Variants in TTLL11 observed in about 807,000 individuals in gnomAD.
TTLL11 encodes the protein tubulin polyglutamylase TTLL11.
Under a neutral mutation model 51.7 loss-of-function variants are expected in TTLL11, and 42 were observed. The observed-to-expected ratio is 0.81, with a 90% CI of 0.64 to 1.05. The LOEUF is 1.05. TTLL11 is among the 50% of genes least tolerant of loss of function. The probability of loss-of-function intolerance (pLI) is 0.00; values close to 1 mark genes in which losing one functional copy is unlikely to be tolerated. For synonymous variants in TTLL11, 381 were observed against 383.5 expected, an observed-to-expected ratio of 0.99 and a Z score of 0.08; for missense variants, 799 against 940.4, an observed-to-expected ratio of 0.85 and a Z score of 1.97.
intron 8 of TTLL11, among the ~76,000 whole-genome samples, chr9:121,844,609 C>T (rs1483797701): frequency 6.6e-6 from 1 of 152,084 alleles, no homozygotes; most frequent in Non-Finnish European, 1.5e-5. Flanking sequence ...ATGTTAAAGT[C>T]TCTAATGGAA....
At chr9:122,012,993 G>C (rs1398668585) in intron 3 of TTLL11, among the ~76,000 whole-genome samples, 1 of 152,118 alleles carries the variant, frequency 6.6e-6, no homozygotes, top group Non-Finnish European at 1.5e-5. Flanking sequence ...GGGCACTGGG[G>C]AGCAGAAATA....
At chr9:121,876,462 G>A (rs1280083175) in intron 6 of TTLL11, among the ~76,000 whole-genome samples, 1 of 152,202 alleles carries the variant, frequency 6.6e-6, no homozygotes, top group Admixed American at 6.5e-5. Context: ...AGAAGCATGG[G>A]ACCAAGTGAG....
chr9:122,065,416 T>C (rs1845555275), intron 1 of TTLL11, among the ~76,000 whole-genome samples: 2 of 152,326 alleles, frequency 1.3e-5, no homozygotes, highest in Admixed American at 1.3e-4. Context: ...AGTCTCTCAT[T>C]CTGGATTAAG....
chr9:122,016,081 C>T (rs927886312), intron 3 of TTLL11, among the ~76,000 whole-genome samples: 1 of 152,070 alleles, frequency 6.6e-6, no homozygotes, highest in Non-Finnish European at 1.5e-5. Context: ...CTCCAGACGT[C>T]GGGGGCAGAG....
intron 4 of TTLL11, among the ~76,000 whole-genome samples, chr9:121,987,392 T>C (rs1412458268): frequency 2.0e-5 from 3 of 152,180 alleles, no homozygotes; most frequent in Non-Finnish European, 4.4e-5. Flanking sequence ...CTACCCACAC[T>C]GATTGATCTG....
chr9:121,931,215 A>G (rs1454286430), intron 6 of TTLL11, among the ~76,000 whole-genome samples: 1 of 152,242 alleles, frequency 6.6e-6, no homozygotes. Flanking sequence ...GCGCTGGGTA[A>G]TGATCTAACG....
chr9:121,891,783 T>C (rs1839244422), intron 6 of TTLL11, among the ~76,000 whole-genome samples: 1 of 39,436 alleles, frequency 2.5e-5, no homozygotes, highest in South Asian at 1.2e-3. Flanking sequence ...AGATAGGAGT[T>C]TCACCTTCTC....
intron 6 of TTLL11, among the ~76,000 whole-genome samples, chr9:121,931,560 T>C (rs1840970892): frequency 8.4e-6 from 1 of 119,590 alleles, no homozygotes; most frequent in Admixed American, 1.0e-4. Flanking sequence ...CTGATCAACA[T>C]GGTAAAACCC....
intron 6 of TTLL11, among the ~76,000 whole-genome samples, chr9:121,924,283 T>C (rs554660933): frequency 6.6e-6 from 1 of 152,332 alleles, no homozygotes; most frequent in African/African-American, 2.4e-5. Context: ...GCTCGGCGTG[T>C]AGTGACGCCG....
intron 6 of TTLL11, among the ~76,000 whole-genome samples, chr9:121,894,684 T>A (rs1839386025): frequency 6.6e-6 from 1 of 151,600 alleles, no homozygotes; most frequent in East Asian, 1.9e-4. Context: ...CACTCATAAG[T>A]GGGAGTTGAA....
chr9:121,847,920 T>C (rs1477734870), intron 8 of TTLL11, among the ~76,000 whole-genome samples: 1 of 152,156 alleles, frequency 6.6e-6, no homozygotes, highest in Non-Finnish European at 1.5e-5. Flanking sequence ...ATCAGCAAAT[T>C]GAATCACAGG....
At chr9:121,873,425 C>T (rs1184295081) in intron 6 of TTLL11, among the ~76,000 whole-genome samples, 3 of 144,742 alleles carry the variant, frequency 2.1e-5, no homozygotes, top group African/African-American at 7.8e-5. Flanking sequence ...TCTCCTGCCT[C>T]AGCCTCCTGA....
intron 3 of TTLL11, among the ~76,000 whole-genome samples, chr9:121,992,714 G>A (rs560566843): frequency 3.6e-4 from 55 of 152,260 alleles, no homozygotes; most frequent in Admixed American, 6.5e-4. Context: ...CGGTATACAC[G>A]GATGGCTGAA....
intron 1 of TTLL11, among the ~76,000 whole-genome samples, chr9:122,070,329 T>G (rs1845696135): frequency 2.0e-5 from 3 of 152,178 alleles, no homozygotes; most frequent in Admixed American, 2.0e-4. Flanking sequence ...TACCTCGGGC[T>G]GTTAGGCCAC....
chr9:121,971,549 A>AG (rs1392019185), intron 6 of TTLL11, among the ~76,000 whole-genome samples: 7 of 139,162 alleles, frequency 5.0e-5, no homozygotes, highest in Non-Finnish European at 9.7e-5. Flanking sequence ...CTGCCCGGCC[A>AG]CCACCCCGTC....
At chr9:122,069,002 C>A (rs1845663812) in intron 1 of TTLL11, among the ~76,000 whole-genome samples, 1 of 152,144 alleles carries the variant, frequency 6.6e-6, no homozygotes, top group African/African-American at 2.4e-5. Flanking sequence ...GACGACCCTG[C>A]CAAGGTGAAA....
intron 3 of TTLL11, among the ~76,000 whole-genome samples, chr9:122,021,616 T>C (rs1001659903): frequency 6.6e-6 from 1 of 152,156 alleles, no homozygotes; most frequent in African/African-American, 2.4e-5. Context: ...ATAGTAAGCC[T>C]TAGACTGAGT....
chr9:121,898,038 C>T (rs1588108362), intron 6 of TTLL11, among the ~76,000 whole-genome samples: 1 of 152,152 alleles, frequency 6.6e-6, no homozygotes, highest in East Asian at 1.9e-4. Context: ...CATGCCTCAG[C>T]CTCCCGAGTA....
chr9:121,874,737 G>C (rs758493702), intron 6 of TTLL11, among the ~76,000 whole-genome samples: 1 of 151,312 alleles, frequency 6.6e-6, no homozygotes, highest in Non-Finnish European at 1.5e-5. Flanking sequence ...TGAGTGATGT[G>C]CTCCCTCTCA....
Sources: gnomAD v4.1 joint callset for allele counts (sites outside exome capture counted in the v4.1 genomes callset) on GRCh38, gnomAD v4.1.1 for gene constraint, MANE v1.5 for transcripts, NCBI Gene and HGNC (gene_info 2026-07-23, HGNC 2026-07-21) for gene names.